Variants in ERLIN2 observed in about 807,000 individuals in gnomAD.
ERLIN2 encodes the protein erlin-2.
A neutral mutation model predicts 41.5 loss-of-function variants in ERLIN2; 22 were observed. The ratio of observed to expected loss-of-function variants is 0.53; its 90% CI spans 0.38 to 0.76. ERLIN2 has a LOEUF of 0.76. Among genes scored for constraint, ERLIN2 ranks in the 30% least tolerant of loss-of-function variants. The pLI, the probability that ERLIN2 is intolerant of heterozygous loss-of-function variation, is 0.00. For missense variants in ERLIN2, 247 were observed against 414.3 expected, an observed-to-expected ratio of 0.60 and a Z score of 3.51; for synonymous variants, 149 against 150.9, an observed-to-expected ratio of 0.99 and a Z score of 0.09.
chr8:37,738,851 C>T (rs1802752109), intron 2 of ERLIN2, among the ~76,000 whole-genome samples: 1 of 152,038 alleles, frequency 6.6e-6, no homozygotes, highest in Admixed American at 6.6e-5. Flanking sequence ...CACCACTGCA[C>T]TCCAGCCTGG....
chr8:37,750,493 ATGTGGTTC>A lies in ERLIN2; in HGVS notation c.649+12_649+19del. ...CGGAAGAAGGCGCTCATTGGTCTGA[ATGTGGTTC>A]TGTGATCCCCCTTTCCAGGCAGAAA... On this transcript the variant is annotated splice_region_variant and intron_variant, in intron 9 of 11. Transcript: ENST00000519638. 1 of 1,609,646 alleles carries A rather than the reference ATGTGGTTC, an allele frequency of 6.2e-7. No individual in the cohort carries two copies. The highest frequency in any genetic ancestry group is 1.7e-5 in the Admixed American group (1 of 60,030).
intron 7 of ERLIN2, 65 bp from the exon 8 acceptor site, chr8:37,749,729 G>T: frequency 6.4e-7 from 1 of 1,557,868 alleles, no homozygotes; most frequent in Non-Finnish European, 8.9e-7. Flanking sequence ...AAGGCCCAGT[G>T]GGAGCTGGGT....
At chr8:37,750,622 T>C (rs1250963413) in intron 9 of ERLIN2, 136 bp downstream of exon 9, 1 of 749,504 alleles carries the variant, frequency 1.3e-6, no homozygotes, top group Non-Finnish European at 2.4e-6. Flanking sequence ...GCAGGTGGAC[T>C]CCCAGAAACA....
At chr8:37,737,773 T>C (rs1332100104) in intron 1 of ERLIN2, 135 bp from the exon 2 acceptor site, 12 of 974,990 alleles carry the variant, frequency 1.2e-5, no homozygotes, top group Non-Finnish European at 1.7e-5. Context: ...GTTGTAGATC[T>C]AGCCTTGTGT....
chr8:37,738,982 T>TAA (rs1014931453), intron 2 of ERLIN2, among the ~76,000 whole-genome samples: 19 of 152,318 alleles, frequency 1.2e-4, no homozygotes, highest in African/African-American at 4.3e-4. Flanking sequence ...GTTCCTACAA[T>TAA]AAAGGAACCC....
At chr8:37,746,501 A>T in intron 6 of ERLIN2, 3 of 979,046 alleles carry the variant, frequency 3.1e-6, no homozygotes, top group Non-Finnish European at 3.6e-6. Context: ...ACCTATGTAT[A>T]CAACACTCCT....
chr8:37,741,884 C>A lies in ERLIN2; in HGVS notation c.236+66C>A. On this transcript the variant is annotated intron_variant, in intron 4 of 11. Coordinates refer to ENST00000519638, the MANE Select transcript of ERLIN2 (RefSeq NM_007175.8). The surrounding 1 kb of genome is among the most constrained non-coding windows in gnomAD (Gnocchi z 4.8). ...AGAGAAAAGGCTGTCTGGCTGGTTGCAGGAAGAGACAGTGAAAAGGGAGGC... is the reference window on the plus strand; with the variant it reads ...AGAGAAAAGGCTGTCTGGCTGGTTGAAGGAAGAGACAGTGAAAAGGGAGGC... The A allele has an allele frequency of 7.9e-7, 1 of 1,266,814 alleles. No homozygotes were observed. The highest frequency in any genetic ancestry group is 1.2e-6 in the Non-Finnish European group (1 of 864,318). The allele number at this position is 1,266,814 out of a possible 1,614,324, so 78.5% of individuals were successfully genotyped here. A position where few individuals can be genotyped will look rare whatever the true frequency, so the allele number is the denominator to read the frequency against.
chr8:37,755,633 G>A lies in ERLIN2; in HGVS notation c.*1518G>A, dbSNP rs899988820. Reference sequence around the variant, plus strand: ...GGTGAATCTGTGAATGGTCCTTTCTGGCAGCAATCCCTGCCTTCTTTTTGG... The same window carrying A: ...GGTGAATCTGTGAATGGTCCTTTCTAGCAGCAATCCCTGCCTTCTTTTTGG... On this transcript the variant is annotated 3_prime_UTR_variant, in exon 12 of 12. Transcript: ENST00000519638. 7.0e-6 allele frequency: 1 copy of A among 142,190 alleles called. No homozygotes were observed. Among genetic ancestry groups the A allele is most frequent in the Non-Finnish European group, 1.5e-5 (1 of 67,064 alleles). The allele number at this position is 142,190 out of a possible 1,614,324, so 8.8% of individuals were successfully genotyped here.
intron 1 of ERLIN2, chr8:37,736,910 T>G: frequency 1.0e-6 from 1 of 985,398 alleles, no homozygotes; most frequent in African/African-American, 1.7e-5. Flanking sequence ...TGACCCTCTC[T>G]CGGAACGGGG....
chr8:37,748,538 T>G (rs1803131396), intron 6 of ERLIN2, among the ~76,000 whole-genome samples: 1 of 152,196 alleles, frequency 6.6e-6, no homozygotes, highest in African/African-American at 2.4e-5. Flanking sequence ...AAGCTTGTTA[T>G]TTTTGCTACT....
At chr8:37,740,026 T>C (rs1802794982) in intron 2 of ERLIN2, among the ~76,000 whole-genome samples, 1 of 152,006 alleles carries the variant, frequency 6.6e-6, no homozygotes, top group South Asian at 2.1e-4. Flanking sequence ...TTGAGACAGG[T>C]TGGTCTCAAA....
chr8:37,748,530 G>C (rs958840621), intron 6 of ERLIN2, among the ~76,000 whole-genome samples: 1 of 152,158 alleles, frequency 6.6e-6, no homozygotes, highest in Admixed American at 6.5e-5. Flanking sequence ...AGTTAAACAA[G>C]CTTGTTATTT....
At position 37,744,409 on chromosome 8, in the gene ERLIN2, G is replaced by T; in HGVS notation, c.291G>T (p.Pro97=). 6.2e-7 allele frequency: 1 copy of T among 1,613,940 alleles called. No homozygotes were observed. The highest frequency in any genetic ancestry group is 1.1e-5 in the South Asian group (1 of 91,080). The part of the protein sequence containing the change: ...DRIEVVNFLV[P]NAVYDIVKNY... ...TTGAAGTGGTGAACTTCCTGGTCCC[G>T]AACGCAGGTACGTCTTAACAGTTTA... Residue 97 remains proline (P), a synonymous_variant, in exon 5 of 12, where the codon CCG becomes CCT. Coordinates refer to ENST00000519638, the MANE Select transcript of ERLIN2 (RefSeq NM_007175.8).
chr8:37,747,462 AT>A, intron 6 of ERLIN2: 1 of 1,611,908 alleles, frequency 6.2e-7, no homozygotes, highest in Non-Finnish European at 8.5e-7. Context: ...TCACTTTGGC[AT>A]TCTGTGCATA....
At chr8:37,749,908 G>A (rs1295026440) in intron 8 of ERLIN2, 56 bp downstream of exon 8, 8 of 1,470,602 alleles carry the variant, frequency 5.4e-6, no homozygotes, top group African/African-American at 4.2e-5. Context: ...CTCCCACCTC[G>A]TCCCATCCCA....
chr8:37,737,846 G>A, intron 1 of ERLIN2, 62 bp from the exon 2 acceptor site: 5 of 1,607,354 alleles, frequency 3.1e-6, no homozygotes, highest in African/African-American at 1.3e-5. Flanking sequence ...AGGTCCTCTC[G>A]CTGTTGTGGC....
At position 37,756,034 on chromosome 8, in the gene ERLIN2, GA is replaced by G. The variant is rs1283708958; in HGVS notation, c.*1922del. On this transcript the variant is annotated 3_prime_UTR_variant, in exon 12 of 12. Transcript: ENST00000519638. The stretch of plus-strand genomic sequence containing the variant: ...CGAAACCCCATCTCTACGAAAAATA[GA>G]AATATTAGCCGGGCATGGTGTCAGG... 2 of 152,108 alleles carry G rather than the reference GA, an allele frequency of 1.3e-5. No individual in the cohort carries two copies. The highest frequency in any genetic ancestry group is 2.4e-5 in the African/African-American group (1 of 41,396). 9.4% of individuals were successfully genotyped at this position (152,108 alleles called of 1,614,324 possible). A position where few individuals can be genotyped will look rare whatever the true frequency, so the allele number is the denominator to read the frequency against.
chr8:37,745,327 G>A lies in ERLIN2; in HGVS notation c.424+631G>A, dbSNP rs565149514. 84 of 563,482 alleles carry A rather than the reference G, an allele frequency of 1.5e-4. No individual in the cohort carries two copies. The East Asian group carries it at 2.3e-3, about 15-fold the overall frequency. The allele number at this position is 563,482 out of a possible 1,614,324, so 34.9% of individuals were successfully genotyped here. A position where few individuals can be genotyped will look rare whatever the true frequency, so the allele number is the denominator to read the frequency against. On this transcript the variant is annotated intron_variant, in intron 6 of 11. Coordinates refer to ENST00000519638, the MANE Select transcript of ERLIN2 (RefSeq NM_007175.8). ...TTTTTTACTCTGTACCTGTAGCAAC[G>A]AATAGAAAAACACTTTAAACAAAAA...
rs778113876 is a variant in ERLIN2 at position 37,754,075 on chromosome 8, T to C, written c.980T>C (p.Leu327Ser). The C allele has an allele frequency of 6.2e-7, 1 of 1,614,156 alleles. No individual in the cohort carries two copies. The highest frequency in any genetic ancestry group is 8.5e-7 in the Non-Finnish European group (1 of 1,180,018). Reference protein sequence around the residue: ...EGLADKLSFGLEDEPLETATK... With the variant: ...EGLADKLSFGSEDEPLETATK... Reference sequence around the variant, plus strand: ...CTAGCTGACAAGCTAAGCTTTGGCTTAGAAGATGAACCCTTGGAGACGGCC... The same window carrying C: ...CTAGCTGACAAGCTAAGCTTTGGCTCAGAAGATGAACCCTTGGAGACGGCC... The change falls in exon 12 of 12, where the codon TTA (leucine) becomes TCA (serine). Residue 327 changes from leucine (L) to serine (S), a missense_variant. Coordinates refer to ENST00000519638, the MANE Select transcript of ERLIN2 (RefSeq NM_007175.8).
Sources: gnomAD v4.1 joint callset for allele counts (sites outside exome capture counted in the v4.1 genomes callset) on GRCh38, gnomAD v4.1.1 for gene constraint, Gnocchi (gnomAD v3.1) non-coding constraint, MANE v1.5 for transcripts, NCBI Gene and HGNC (gene_info 2026-07-23, HGNC 2026-07-21) for gene names.